The following TRHDE variants were observed in gnomAD, a reference collection of about 807,000 sequenced individuals.
The protein encoded by TRHDE is thyrotropin releasing hormone degrading enzyme, also known as thyrotropin-releasing hormone-degrading ectoenzyme.
A neutral mutation model predicts 125.7 loss-of-function variants in TRHDE; 72 were observed. The observed-to-expected ratio is 0.57, with a 90% CI of 0.47 to 0.70. The LOEUF (loss-of-function observed/expected upper bound fraction) is 0.70, where lower values mean the gene tolerates loss of function less well. TRHDE is among the 30% of genes least tolerant of loss of function. The pLI is 0.00. For missense variants in TRHDE, 1,110 were observed against 1,327.1 expected, an observed-to-expected ratio of 0.84 and a Z score of 2.54; for synonymous variants, 509 against 509.1, an observed-to-expected ratio of 1.00 and a Z score of 0.00.
intron 12 of TRHDE, among the ~76,000 whole-genome samples, chr12:72,589,095 CA>C (rs1321031815): frequency 6.6e-6 from 1 of 152,100 alleles, no homozygotes; most frequent in East Asian, 1.9e-4. Context: ...GGGGACACAG[CA>C]AAACGATATC....
In TRHDE at chr12:72,273,371, G is replaced by A. The variant is rs1248388627; in HGVS notation, c.728G>A (p.Arg243Gln). Residue 243 changes from arginine to glutamine, a missense_variant, in exon 1 of 19, where the codon CGG (arginine) becomes CAG (glutamine). By Grantham distance (43) the Arg-to-Gln change is conservative. Coordinates refer to ENST00000261180, the MANE Select transcript of TRHDE (RefSeq NM_013381.3). This position sits in a 1 kb window ranked among gnomAD's most constrained non-coding sequence, Gnocchi z 5.3. ...AVEKVQLAED[R>Q]AFGAVPVAGF... ...GAGAAAGTGCAGCTGGCCGAGGACC[G>A]GGCGTTCGGGGCTGTCCCTGTAGCC... 3.1e-6 allele frequency: 5 copies of A among 1,614,042 alleles called. No homozygotes were observed. The highest frequency in any genetic ancestry group is 4.2e-6 in the Non-Finnish European group (5 of 1,180,040).
chr12:72,562,731 C>A, intron 8 of TRHDE, 122 bp from the exon 9 acceptor site: 1 of 609,788 alleles, frequency 1.6e-6, no homozygotes, highest in Non-Finnish European at 2.7e-6. Context: ...ATATTGGCTT[C>A]AATGACTTTA....
chr12:72,399,740 T>C (rs1872958353), intron 3 of TRHDE, among the ~76,000 whole-genome samples: 1 of 152,136 alleles, frequency 6.6e-6, no homozygotes, highest in Non-Finnish European at 1.5e-5. Flanking sequence ...AATCTTGTTG[T>C]TTTTTTCGTT....
At chr12:72,634,657 C>G (rs976677801) in intron 15 of TRHDE, among the ~76,000 whole-genome samples, 1 of 144,028 alleles carries the variant, frequency 6.9e-6, no homozygotes, top group Non-Finnish European at 1.5e-5. Context: ...CCCCCTCCCC[C>G]CAACCCACAA....
intron 7 of TRHDE, among the ~76,000 whole-genome samples, chr12:72,557,950 A>G (rs1015119986): frequency 2.0e-5 from 3 of 148,870 alleles, no homozygotes; most frequent in Non-Finnish European, 4.4e-5. Context: ...TTGCAAAAAG[A>G]AAGACAAATC....
chr12:72,380,084 T>C (rs1872074435), intron 3 of TRHDE, among the ~76,000 whole-genome samples: 1 of 152,218 alleles, frequency 6.6e-6, no homozygotes, highest in Non-Finnish European at 1.5e-5. Context: ...TATTTGCTGG[T>C]GATGCATATG....
intron 3 of TRHDE, among the ~76,000 whole-genome samples, chr12:72,413,550 A>G (rs1873603567): frequency 6.6e-6 from 1 of 151,920 alleles, no homozygotes; most frequent in South Asian, 2.1e-4. Context: ...TTTTAAATAT[A>G]TCTACTAGAA....
At chr12:72,622,940 T>C (rs1873113418) in intron 15 of TRHDE, among the ~76,000 whole-genome samples, 1 of 152,064 alleles carries the variant, frequency 6.6e-6, no homozygotes, top group African/African-American at 2.4e-5. Flanking sequence ...CCAATTGATC[T>C]ATCATATATT....
chr12:72,610,686 C>T (rs910836163), intron 12 of TRHDE: 2 of 152,220 alleles, frequency 1.3e-5, no homozygotes, highest in East Asian at 1.9e-4. Context: ...ACAGAGTCAC[C>T]TTCTAAGCAC....
intron 13 of TRHDE, among the ~76,000 whole-genome samples, 162 bp downstream of exon 13, chr12:72,619,200 T>G (rs1025258852): frequency 2.6e-5 from 4 of 152,140 alleles, no homozygotes; most frequent in African/African-American, 9.6e-5. Flanking sequence ...AGATGACAAT[T>G]ATTTGAAGAA....
At position 72,362,487 on chromosome 12, in the gene TRHDE, C is replaced by T. The variant is rs1432118948; in HGVS notation, c.1189-15508C>T. Among the ~76,000 whole-genome samples, 23 of 151,874 alleles carry T rather than the reference C, an allele frequency of 1.5e-4. 1 individual carries two copies. Among genetic ancestry groups the T allele is most frequent in the Admixed American group, 8.5e-4 (13 of 15,228 alleles). On this transcript the variant is annotated intron_variant, in intron 2 of 18. Coordinates refer to ENST00000261180, the MANE Select transcript of TRHDE (RefSeq NM_013381.3). ...AGCCCTTTGTCAGATGAGTAGGTTGCGAAATTTTTCTCCCATTTTGTAGGT... is the reference window on the plus strand; with the variant it reads ...AGCCCTTTGTCAGATGAGTAGGTTGTGAAATTTTTCTCCCATTTTGTAGGT...
intron 13 of TRHDE, among the ~76,000 whole-genome samples, chr12:72,620,338 C>CA (rs3080963): frequency 0.013 from 886 of 67,210 alleles, 3 homozygotes; most frequent in Middle Eastern, 0.02. Context: ...CCCATCTCTA[C>CA]AAAAAAAAAA....
chr12:72,248,417 CA>C (rs34434650), intron 2 of TRHDE, among the ~76,000 whole-genome samples: 1,769 of 55,764 alleles, frequency 0.032, 16 homozygotes, highest in African/African-American at 0.11. Context: ...GACTCTGTCT[CA>C]AAAAAAAAAA....
intron 2 of TRHDE, among the ~76,000 whole-genome samples, chr12:72,239,937 T>C (rs1406977434): frequency 6.6e-6 from 1 of 152,208 alleles, no homozygotes; most frequent in Non-Finnish European, 1.5e-5. Flanking sequence ...ATTTTAATAG[T>C]GCTTCTTTTC....
intron 9 of TRHDE, among the ~76,000 whole-genome samples, chr12:72,567,106 G>A (rs1425927170): frequency 6.6e-6 from 1 of 151,882 alleles, no homozygotes; most frequent in Non-Finnish European, 1.5e-5. Context: ...CCTCAAATCT[G>A]TCATTAAATA....
In TRHDE at chr12:72,591,103, C is replaced by G. The variant is rs529893654; in HGVS notation, c.2321+15561C>G. ...ATAGGCAGGAGACTGTGCAGGGAAG[C>G]TGCTCTTTTTAAAACCATTAAATCT... On this transcript the variant is annotated intron_variant, in intron 12 of 18. Coordinates refer to ENST00000261180, the MANE Select transcript of TRHDE (RefSeq NM_013381.3). Among the ~76,000 whole-genome samples, 67 of 152,292 alleles carry G rather than the reference C, an allele frequency of 4.4e-4. 1 individual carries two copies. In the South Asian group the frequency reaches 0.012, roughly 28 times the overall value.
chr12:72,128,556 C>T (rs750581557), intron 2 of TRHDE, among the ~76,000 whole-genome samples: 8 of 152,116 alleles, frequency 5.3e-5, no homozygotes, highest in Non-Finnish European at 1.2e-4. Flanking sequence ...TGTTCAAAAA[C>T]TCAAGTAGAG....
At position 72,656,293 on chromosome 12, in the gene TRHDE, A is replaced by G. The variant is rs1470397681; in HGVS notation, c.2985-634A>G. Among the ~76,000 whole-genome samples the G allele has an allele frequency of 3.3e-5, 5 of 152,202 alleles. No homozygotes were observed. In the South Asian group the frequency reaches 1.0e-3, roughly 31 times the overall value. On this transcript the variant is annotated intron_variant, in intron 17 of 18. Coordinates refer to ENST00000261180, the MANE Select transcript of TRHDE (RefSeq NM_013381.3). ...TTTACTTTAATGTACACATGAAAAA[A>G]GCTAATATTTTGGAGAACATTTTTG... is the stretch of plus-strand genomic sequence containing the variant.
intron 2 of TRHDE, among the ~76,000 whole-genome samples, chr12:72,336,177 AT>A (rs1159931053): frequency 6.6e-6 from 1 of 152,162 alleles, no homozygotes; most frequent in Non-Finnish European, 1.5e-5. Flanking sequence ...GCCAGGTTTT[AT>A]TATACCTGTT....
Sources: gnomAD v4.1 joint callset for allele counts (sites outside exome capture counted in the v4.1 genomes callset) on GRCh38, gnomAD v4.1.1 for gene constraint, Gnocchi (gnomAD v3.1) non-coding constraint, MANE v1.5 for transcripts, NCBI Gene and HGNC (gene_info 2026-07-23, HGNC 2026-07-21) for gene names.